Variants in AFF4 observed in about 807,000 individuals in gnomAD.
The protein encoded by AFF4 is AF4/FMR2 family member 4.
In AFF4, 13 loss-of-function variants were observed where a neutral mutation model predicts 124.8. The observed-to-expected ratio is 0.10, with a 90% CI of 0.07 to 0.17. AFF4 has a LOEUF of 0.17. AFF4 is among the 10% of genes least tolerant of loss of function. The pLI is 1.00. For synonymous variants in AFF4, 477 were observed against 496.1 expected (o/e 0.96, Z 0.51); for missense variants, 1,092 against 1,403.8 (o/e 0.78, Z 3.55).
chr5:132,915,568 GTTTTT>G (rs34458324), intron 5 of AFF4, among the ~76,000 whole-genome samples: 2 of 122,998 alleles, frequency 1.6e-5, no homozygotes, highest in African/African-American at 3.1e-5. Flanking sequence ...TTTTTTTTGG[GTTTTT>G]TTTTTTTTTT....
intron 14 of AFF4, among the ~76,000 whole-genome samples, chr5:132,888,767 G>T (rs1312177496): frequency 6.6e-6 from 1 of 151,310 alleles, no homozygotes; most frequent in African/African-American, 2.4e-5. Context: ...GCACAATCTC[G>T]GCTCACTGCA....
At position 132,881,108 on chromosome 5, in the gene AFF4, G is replaced by A. The variant is rs1759966148; in HGVS notation, c.3443C>T (p.Thr1148Ile). 2 of 1,614,194 alleles carry A rather than the reference G, an allele frequency of 1.2e-6. No homozygotes were observed. The highest frequency in any genetic ancestry group is 2.2e-5 in the East Asian group (1 of 44,882). ...ASIMTDLVRY[T>I]RQGLHWLRQD... ...GCGAAGCCAGTGCAGTCCCTGCCGG[G>A]TATAACGAACTAGATCTGTCATGAT... is the stretch of plus-strand genomic sequence containing the variant. The change falls in exon 21 of 21, where the codon ACC becomes ATC. Residue 1148 changes from threonine (T) to isoleucine (I), a missense_variant. Coordinates refer to ENST00000265343, the MANE Select transcript of AFF4 (RefSeq NM_014423.4).
Position 132,934,319 on chromosome 5 carries a change from A to G in AFF4, c.746T>C (p.Met249Thr), listed in dbSNP as rs748129871. 1.2e-5 allele frequency: 20 copies of G among 1,614,020 alleles called. No individual in the cohort carries two copies. Among genetic ancestry groups the G allele is most frequent in the Non-Finnish European group, 4.2e-6 (5 of 1,180,036 alleles). The part of the protein sequence containing the change: ...PPSLMSKSNS[M>T]LQKPTAYVRP... ...CACATAGGCAGTGGGTTTCTGTAACATTGAATTGGACTTTGACATCAATGA... is the reference window on the plus strand; with the variant it reads ...CACATAGGCAGTGGGTTTCTGTAACGTTGAATTGGACTTTGACATCAATGA... Residue 249 changes from methionine (M) to threonine (T), a missense_variant, in exon 3 of 21, where the codon ATG becomes ACG. Physicochemically the swap from Met to Thr is moderately conservative, Grantham distance 81. Coordinates refer to ENST00000265343, the MANE Select transcript of AFF4 (RefSeq NM_014423.4).
chr5:132,934,508 G>A lies in AFF4; in HGVS notation c.557C>T (p.Ala186Val). The A allele has an allele frequency of 1.2e-6, 2 of 1,614,174 alleles. No homozygotes were observed. Among genetic ancestry groups the A allele is most frequent in the Non-Finnish European group, 1.7e-6 (2 of 1,180,026 alleles). The part of the protein sequence containing the change: ...SRSSSPGKPQ[A>V]VSSLNSSHSR... ...ATGACTAGAGTTTAATGAAGAAACA[G>A]CCTGGGGTTTTCCAGGGCTGGAAGA... Residue 186 changes from alanine to valine, a missense_variant, in exon 3 of 21, where the codon GCT becomes GTT. Transcript: ENST00000265343.
intron 5 of AFF4, among the ~76,000 whole-genome samples, chr5:132,922,076 AC>A: frequency 6.6e-6 from 1 of 152,106 alleles, no homozygotes; most frequent in East Asian, 1.9e-4. Flanking sequence ...TGAGGCATAG[AC>A]ACCTACCATA....
Position 132,901,846 on chromosome 5 carries a change from C to T in AFF4, c.1133+596G>A, listed in dbSNP as rs373888635. ...AGAGCAAAGGTGGGCAAACTGTGGC[C>T]CACAAGCCAAATCCAACCTACCACA... On this transcript the variant is annotated intron_variant, in intron 7 of 20. Transcript: ENST00000265343. Among the ~76,000 whole-genome samples, 50 of 152,166 alleles carry T rather than the reference C, an allele frequency of 3.3e-4. No homozygotes were observed. The South Asian group carries it at 9.8e-3, about 30-fold the overall frequency.
At chr5:132,919,156 G>A (rs1473780731) in intron 5 of AFF4, among the ~76,000 whole-genome samples, 2 of 152,162 alleles carry the variant, frequency 1.3e-5, no homozygotes, top group Non-Finnish European at 2.9e-5. Flanking sequence ...AAATTGCTGG[G>A]ATTACAGGTG....
At chr5:132,928,659 A>G (rs1278599544) in intron 4 of AFF4, among the ~76,000 whole-genome samples, 4 of 152,196 alleles carry the variant, frequency 2.6e-5, no homozygotes, top group Admixed American at 1.3e-4. Context: ...ATTACCAGAC[A>G]TCTATAAAAT....
Position 132,893,129 on chromosome 5 carries a change from A to C in AFF4, c.2308-11T>G. 6.2e-7 allele frequency: 1 copy of C among 1,612,558 alleles called. No individual in the cohort carries two copies. The highest frequency in any genetic ancestry group is 8.5e-7 in the Non-Finnish European group (1 of 1,178,596). On this transcript the variant is annotated splice_polypyrimidine_tract_variant and intron_variant, in intron 11 of 20. Transcript: ENST00000265343. ...GTTATCATCTTCATTCTAGATGAAA[A>C]ATAGAAACCGTGGTCTGATTTTTAT... is the stretch of plus-strand genomic sequence containing the variant.
At chr5:132,906,427 C>A (rs1760672453) in intron 5 of AFF4, among the ~76,000 whole-genome samples, 1 of 151,928 alleles carries the variant, frequency 6.6e-6, no homozygotes, top group South Asian at 2.1e-4. Context: ...TATTATTTGG[C>A]CATAAAAAGG....
At chr5:132,927,095 A>G (rs1761189841) in intron 5 of AFF4, 26 bp downstream of exon 5, 1 of 1,592,004 alleles carries the variant, frequency 6.3e-7, no homozygotes, top group African/African-American at 1.3e-5. Context: ...TTCTTACATT[A>G]TGAAAGATAC....
At position 132,876,152 on chromosome 5, in the gene AFF4, G is replaced by T. The variant is rs931565065; in HGVS notation, c.*4907C>A. On this transcript the variant is annotated 3_prime_UTR_variant, in exon 21 of 21. Transcript: ENST00000265343. Reference sequence around the variant, plus strand: ...CCCACAACTGGCCCTTAAAGGTGGTGCCTTTTCAGGCAATGTCAACTGGCC... The same window carrying T: ...CCCACAACTGGCCCTTAAAGGTGGTTCCTTTTCAGGCAATGTCAACTGGCC... 5.6e-5 allele frequency: 13 copies of T among 231,386 alleles called. No homozygotes were observed. Among genetic ancestry groups the T allele is most frequent in the Non-Finnish European group, 1.0e-4 (12 of 117,008 alleles). 14.3% of individuals were successfully genotyped at this position (231,386 alleles called of 1,614,324 possible).
chr5:132,944,428 T>C (rs1761648651), intron 1 of AFF4, among the ~76,000 whole-genome samples: 1 of 151,098 alleles, frequency 6.6e-6, no homozygotes, highest in African/African-American at 2.4e-5. Flanking sequence ...GGAGAATCAC[T>C]CAAGCTCAGG....
chr5:132,928,210 T>C (rs921505892), intron 4 of AFF4, among the ~76,000 whole-genome samples: 2 of 151,454 alleles, frequency 1.3e-5, no homozygotes, highest in African/African-American at 4.9e-5. Context: ...CTAATGTTTA[T>C]ATATTTAAAA....
intron 4 of AFF4, 176 bp from the exon 5 acceptor site, chr5:132,927,383 A>C (rs1172845418): frequency 3.9e-6 from 2 of 513,608 alleles, no homozygotes; most frequent in Non-Finnish European, 6.8e-6. Context: ...TGTAGGTAAT[A>C]AGAAGATTAA....
At chr5:132,933,942 C>T (rs889203687) in intron 3 of AFF4, among the ~76,000 whole-genome samples, 3 of 152,162 alleles carry the variant, frequency 2.0e-5, no homozygotes, top group Admixed American at 2.0e-4. Context: ...GACATTTTCT[C>T]CATTTCCCAA....
rs555906398 is a variant in AFF4 at position 132,937,090 on chromosome 5, G to C, written c.100C>G (p.Leu34Val). 6.2e-7 allele frequency: 1 copy of C among 1,613,536 alleles called. No homozygotes were observed. Among genetic ancestry groups the C allele is most frequent in the East Asian group, 2.2e-5 (1 of 44,864 alleles). ...ACAACTTTGTATGGCTCTGCAAAGAGAGGAGAGCTAGGTGGGAAGGCGTCT... is the reference window on the plus strand; with the variant it reads ...ACAACTTTGTATGGCTCTGCAAAGACAGGAGAGCTAGGTGGGAAGGCGTCT... Reference protein sequence around the residue: ...GEDAFPPSSPLFAEPYKVTSK... With the variant: ...GEDAFPPSSPVFAEPYKVTSK... Residue 34 changes from leucine to valine, a missense_variant, in exon 2 of 21, where the codon CTC becomes GTC. By Grantham distance (32) the Leu-to-Val change is conservative (BLOSUM62 1). Transcript: ENST00000265343.
chr5:132,926,805 T>C (rs1260130098), intron 5 of AFF4: 5 of 187,964 alleles, frequency 2.7e-5, no homozygotes, highest in East Asian at 1.7e-4. Context: ...AGAGAGTCTC[T>C]TGGCTCAGCC....
intron 1 of AFF4, among the ~76,000 whole-genome samples, chr5:132,961,812 A>G (rs2150117956): frequency 6.6e-6 from 1 of 152,284 alleles, no homozygotes; most frequent in East Asian, 1.9e-4. Flanking sequence ...AACAAAAATC[A>G]AAGTACCAGC....
Sources: allele counts gnomAD v4.1 joint callset (sites outside exome capture counted in the v4.1 genomes callset), GRCh38; gene constraint gnomAD v4.1.1; transcripts MANE v1.5; gene names NCBI Gene and HGNC (gene_info 2026-07-23, HGNC 2026-07-21).